The following NELL2 variants were observed in gnomAD, a reference collection of about 807,000 sequenced individuals.
NELL2 encodes protein kinase C-binding protein NELL2.
NELL2 carries 41 observed loss-of-function variants against 109.6 expected under a neutral mutation model. The ratio of observed to expected loss-of-function variants is 0.37; its 90% CI spans 0.29 to 0.49. The LOEUF (loss-of-function observed/expected upper bound fraction) is 0.49. Ranked by LOEUF, NELL2 falls within the 20% of genes least tolerant of loss-of-function variation. NELL2 has a pLI of 0.98. For missense variants in NELL2, 900 were observed against 1,008.3 expected (o/e 0.89, Z 1.45); for synonymous variants, 355 against 344.7 (o/e 1.03, Z -0.33).
intron 1 of NELL2, 71 bp from the exon 2 acceptor site, chr12:44,875,424 G>C: frequency 6.2e-7 from 1 of 1,613,920 alleles, no homozygotes. Flanking sequence ...CTTCCTCCAG[G>C]GCAGCAAAGA....
At chr12:44,901,536 C>G (rs1253003551) in intron 1 of NELL2, among the ~76,000 whole-genome samples, 1 of 152,132 alleles carries the variant, frequency 6.6e-6, no homozygotes, top group Non-Finnish European at 1.5e-5. Flanking sequence ...GGACTCCTCC[C>G]TAACTCATTT....
intron 9 of NELL2, among the ~76,000 whole-genome samples, chr12:44,725,235 C>A (rs1189216902): frequency 1.3e-5 from 2 of 152,070 alleles, no homozygotes; most frequent in South Asian, 2.1e-4. Context: ...AAGACACCAA[C>A]AAATTTTTGC....
intron 11 of NELL2, among the ~76,000 whole-genome samples, chr12:44,704,168 C>T (rs1286143080): frequency 6.6e-6 from 1 of 151,806 alleles, no homozygotes; most frequent in Non-Finnish European, 1.5e-5. Flanking sequence ...TATTAGGGTA[C>T]AAAATGAAGA....
intron 12 of NELL2, among the ~76,000 whole-genome samples, chr12:44,697,536 T>C (rs949827281): frequency 1.3e-5 from 2 of 152,184 alleles, no homozygotes; most frequent in Non-Finnish European, 2.9e-5. Flanking sequence ...ATCAACATTA[T>C]AATGAAACAA....
chr12:44,657,079 T>C (rs1445467879), intron 13 of NELL2, among the ~76,000 whole-genome samples: 1 of 152,214 alleles, frequency 6.6e-6, no homozygotes, highest in Non-Finnish European at 1.5e-5. Context: ...ATCTTTGCTT[T>C]AGTTGCTCAG....
chr12:44,519,800 A>C (rs1941442136), intron 19 of NELL2, among the ~76,000 whole-genome samples: 1 of 152,102 alleles, frequency 6.6e-6, no homozygotes, highest in African/African-American at 2.4e-5. Context: ...GTTTTAGTCC[A>C]TGCACTATCC....
At chr12:44,518,488 G>A (rs1250790223) in intron 19 of NELL2, among the ~76,000 whole-genome samples, 3 of 151,958 alleles carry the variant, frequency 2.0e-5, no homozygotes, top group Non-Finnish European at 4.4e-5. Flanking sequence ...CTTGTGATCC[G>A]CCCACCTCAG....
intron 15 of NELL2, among the ~76,000 whole-genome samples, chr12:44,536,403 A>G (rs1451742303): frequency 6.6e-6 from 1 of 152,044 alleles, no homozygotes; most frequent in African/African-American, 2.4e-5. Context: ...CAAAGCAGTA[A>G]AAAAGAGTTC....
At chr12:44,910,475 G>A (rs529725592) in intron 1 of NELL2, among the ~76,000 whole-genome samples, 28 of 152,110 alleles carry the variant, frequency 1.8e-4, no homozygotes, top group African/African-American at 6.5e-4. Flanking sequence ...TGAGGAGGCT[G>A]TGGAGAGAAA....
At chr12:44,683,788 T>G (rs1458651647) in intron 12 of NELL2, among the ~76,000 whole-genome samples, 1 of 152,246 alleles carries the variant, frequency 6.6e-6, no homozygotes, top group East Asian at 1.9e-4. Context: ...TCATGGTGGA[T>G]AAGCTTTTTG....
At chr12:44,864,183 T>A (rs933551990) in intron 2 of NELL2, among the ~76,000 whole-genome samples, 38 of 152,196 alleles carry the variant, frequency 2.5e-4, no homozygotes, top group African/African-American at 9.2e-4. Context: ...CATAAAACAA[T>A]TAACATAATA....
intron 9 of NELL2, among the ~76,000 whole-genome samples, chr12:44,744,165 T>A (rs1322287374): frequency 1.3e-5 from 2 of 152,022 alleles, no homozygotes; most frequent in Admixed American, 6.5e-5. Flanking sequence ...ACCGCTCAAC[T>A]ACATGGAAAC....
intron 19 of NELL2, among the ~76,000 whole-genome samples, chr12:44,513,581 C>T (rs891361858): frequency 1.3e-5 from 2 of 151,748 alleles, no homozygotes; most frequent in Non-Finnish European, 3.0e-5. Context: ...AATTAAACTA[C>T]TAAAAATTAA....
chr12:44,638,445 C>T (rs996313100), intron 13 of NELL2, among the ~76,000 whole-genome samples: 1 of 152,038 alleles, frequency 6.6e-6, no homozygotes, highest in African/African-American at 2.4e-5. Context: ...AGAACATTAC[C>T]TAGCTAAGGG....
chr12:44,883,081 T>G (rs1187944627), intron 1 of NELL2, among the ~76,000 whole-genome samples: 1 of 150,820 alleles, frequency 6.6e-6, no homozygotes, highest in Non-Finnish European at 1.5e-5. Context: ...ACTCCTTATC[T>G]CAAGTGATCA....
chr12:44,808,298 A>G (rs1162168457), intron 3 of NELL2, among the ~76,000 whole-genome samples: 2 of 152,032 alleles, frequency 1.3e-5, no homozygotes, highest in Non-Finnish European at 2.9e-5. Context: ...CACATCACCT[A>G]TATAAAAATT....
intron 1 of NELL2, among the ~76,000 whole-genome samples, chr12:44,921,503 T>A (rs564548214): frequency 3.3e-5 from 5 of 152,264 alleles, no homozygotes; most frequent in African/African-American, 1.2e-4. Context: ...AGCTCACATG[T>A]AATGTAACCT....
chr12:44,637,101 C>T (rs377751843), intron 13 of NELL2, among the ~76,000 whole-genome samples: 22 of 151,606 alleles, frequency 1.5e-4, no homozygotes, highest in African/African-American at 5.1e-4. Context: ...TGGTGATATC[C>T]CCTTTATCAT....
intron 1 of NELL2, among the ~76,000 whole-genome samples, chr12:44,898,602 G>T (rs181636315): frequency 6.6e-6 from 1 of 152,070 alleles, no homozygotes; most frequent in Admixed American, 6.6e-5. Flanking sequence ...CCATCCAAAG[G>T]TCACCAACAT....
Sources: gnomAD v4.1 joint callset for allele counts (sites outside exome capture counted in the v4.1 genomes callset) on GRCh38, gnomAD v4.1.1 for gene constraint, MANE v1.5 for transcripts, NCBI Gene and HGNC (gene_info 2026-07-23, HGNC 2026-07-21) for gene names.